Variants in MYT1L observed in about 807,000 individuals in gnomAD.
The protein encoded by MYT1L is myelin transcription factor 1 like.
MYT1L carries 12 observed loss-of-function variants against 126.7 expected under a neutral mutation model. The ratio of observed to expected loss-of-function variants is 0.09; its 90% confidence interval spans 0.06 to 0.15. The LOEUF (loss-of-function observed/expected upper bound fraction) is 0.15, where lower values mean the gene tolerates loss of function less well. MYT1L is among the 10% of genes least tolerant of loss of function. MYT1L has a pLI of 1.00. For missense variants in MYT1L, 979 were observed against 1,585.2 expected, an observed-to-expected ratio of 0.62 and a Z score of 6.49; for synonymous variants, 541 against 604.2, an observed-to-expected ratio of 0.90 and a Z score of 1.53.
intron 9 of MYT1L, among the ~76,000 whole-genome samples, chr2:1,934,231 C>T (rs2055478549): frequency 6.7e-6 from 1 of 150,254 alleles, no homozygotes; most frequent in African/African-American, 2.5e-5. Context: ...GCCTTGGCCT[C>T]CAAAGTGCTG....
chr2:1,804,858 G>A (rs1045809496), intron 22 of MYT1L, among the ~76,000 whole-genome samples: 1 of 152,186 alleles, frequency 6.6e-6, no homozygotes, highest in African/African-American at 2.4e-5. Flanking sequence ...GCTTGATGGA[G>A]GTTAGAGCTC....
intron 4 of MYT1L, among the ~76,000 whole-genome samples, chr2:2,043,956 G>A (rs2150034305): frequency 1.3e-5 from 2 of 152,254 alleles, no homozygotes; most frequent in South Asian, 4.2e-4. Flanking sequence ...TGACAGAGAT[G>A]AATTCAATCA....
rs1049049004 is a variant in MYT1L at position 1,848,619 on chromosome 2, A to G, written c.2774+3022T>C. Among the ~76,000 whole-genome samples the G allele has an allele frequency of 1.6e-4, 24 of 152,212 alleles. No homozygotes were observed. Among genetic ancestry groups the G allele is most frequent in the African/African-American group, 5.1e-4 (21 of 41,450 alleles). On this transcript the variant is annotated intron_variant, in intron 19 of 24. Transcript: ENST00000647738. The surrounding 1 kb of genome is among the most constrained non-coding windows in gnomAD (Gnocchi z 4.8). ...CTGGGAAACAGACAATAGAAGATTAACATGAAAAGAAGTTCCTCCTACTTG... is the reference window on the plus strand; with the variant it reads ...CTGGGAAACAGACAATAGAAGATTAGCATGAAAAGAAGTTCCTCCTACTTG...
intron 1 of MYT1L, among the ~76,000 whole-genome samples, chr2:2,309,353 T>G (rs2095916276): frequency 6.6e-6 from 1 of 151,810 alleles, no homozygotes; most frequent in South Asian, 2.1e-4. Context: ...CAGTATACTC[T>G]ATCTATTCTC....
At chr2:2,068,045 T>A (rs954130621) in intron 3 of MYT1L, among the ~76,000 whole-genome samples, 8 of 152,084 alleles carry the variant, frequency 5.3e-5, no homozygotes, top group African/African-American at 1.7e-4. Context: ...AGTGACAACA[T>A]CCTAGATGTT....
intron 4 of MYT1L, among the ~76,000 whole-genome samples, chr2:2,018,726 A>G (rs2064703591): frequency 6.6e-6 from 1 of 152,204 alleles, no homozygotes; most frequent in South Asian, 2.1e-4. Context: ...CACTTGGTCA[A>G]TGGATTCTCC....
At chr2:2,251,404 C>T (rs2094645814) in intron 2 of MYT1L, among the ~76,000 whole-genome samples, 1 of 152,170 alleles carries the variant, frequency 6.6e-6, no homozygotes, top group Non-Finnish European at 1.5e-5. Context: ...TTCAGGGTTT[C>T]CGCCCGTGAA....
intron 1 of MYT1L, among the ~76,000 whole-genome samples, chr2:2,292,919 C>T (rs924339986): frequency 3.3e-5 from 5 of 152,218 alleles, no homozygotes; most frequent in Non-Finnish European, 4.4e-5. Context: ...ATCGGTGAGA[C>T]GGGGAACCAA....
intron 2 of MYT1L, among the ~76,000 whole-genome samples, chr2:2,182,163 C>T (rs936346700): frequency 4.0e-5 from 6 of 151,530 alleles, no homozygotes; most frequent in Non-Finnish European, 8.8e-5. Flanking sequence ...CCACGGACAG[C>T]ACGCCCCACT....
chr2:2,089,128 G>A lies in MYT1L; in HGVS notation c.-303-35005C>T, dbSNP rs149513980. 2.0e-5 allele frequency among the ~76,000 whole-genome samples: 3 copies of A among 152,304 alleles called. No individual in the cohort carries two copies. The East Asian group carries it at 5.8e-4, about 29-fold the overall frequency. On this transcript the variant is annotated intron_variant, in intron 3 of 24. Transcript: ENST00000647738. ...GGAGCCCTCTGGCTTTACACATGGA[G>A]GAAAATATGAAATGTGCGGTTATTT...
At chr2:1,866,229 A>G (rs2045444236) in intron 18 of MYT1L, among the ~76,000 whole-genome samples, 1 of 152,174 alleles carries the variant, frequency 6.6e-6, no homozygotes, top group Admixed American at 6.5e-5. Context: ...AAGGAAGATC[A>G]CTTAAAACAG....
intron 2 of MYT1L, among the ~76,000 whole-genome samples, chr2:2,278,915 C>T (rs1431511188): frequency 6.6e-6 from 1 of 151,912 alleles, no homozygotes; most frequent in Non-Finnish European, 1.5e-5. Context: ...ACAAAAGGCC[C>T]CTCTCTTTCT....
intron 4 of MYT1L, among the ~76,000 whole-genome samples, chr2:2,008,739 T>TA (rs560570651): frequency 7.0e-4 from 107 of 152,314 alleles, no homozygotes; most frequent in African/African-American, 2.4e-3. Context: ...GGTAACATTT[T>TA]AAAAAGTGTT....
At chr2:1,953,459 TC>T (rs1444105571) in intron 8 of MYT1L, among the ~76,000 whole-genome samples, 2 of 152,178 alleles carry the variant, frequency 1.3e-5, no homozygotes, top group African/African-American at 4.8e-5. Flanking sequence ...CATCTCAAGT[TC>T]CCCCTTCTCC....
intron 1 of MYT1L, among the ~76,000 whole-genome samples, chr2:2,297,007 T>C (rs888884328): frequency 6.6e-6 from 1 of 152,028 alleles, no homozygotes; most frequent in East Asian, 1.9e-4. Flanking sequence ...CTGGAGGACC[T>C]TTCGGGGCCA....
intron 8 of MYT1L, among the ~76,000 whole-genome samples, chr2:1,950,119 C>A (rs1286175846): frequency 6.6e-6 from 1 of 151,162 alleles, no homozygotes; most frequent in Non-Finnish European, 1.5e-5. Flanking sequence ...GCTGTAATTC[C>A]TAACTTTGAG....
At chr2:2,032,604 C>T (rs1442404697) in intron 4 of MYT1L, among the ~76,000 whole-genome samples, 5 of 135,264 alleles carry the variant, frequency 3.7e-5, no homozygotes, top group South Asian at 2.6e-4. Flanking sequence ...GAGGGCCTTA[C>T]ACACACCCCT....
intron 1 of MYT1L, among the ~76,000 whole-genome samples, chr2:2,322,799 C>A (rs1164149504): frequency 1.3e-5 from 2 of 152,100 alleles, no homozygotes; most frequent in African/African-American, 4.8e-5. Flanking sequence ...AAGCTTGGTT[C>A]AACTCTAAAA....
At chr2:2,305,660 G>A (rs2095848347) in intron 1 of MYT1L, among the ~76,000 whole-genome samples, 1 of 152,112 alleles carries the variant, frequency 6.6e-6, no homozygotes. Flanking sequence ...CAGCTCCACA[G>A]GCTGTACAGG....
Sources: gnomAD v4.1 joint callset for allele counts (sites outside exome capture counted in the v4.1 genomes callset) on GRCh38, gnomAD v4.1.1 for gene constraint, Gnocchi (gnomAD v3.1) non-coding constraint, MANE v1.5 for transcripts, NCBI Gene and HGNC (gene_info 2026-07-23, HGNC 2026-07-21) for gene names.